Variants in EXTL2 observed in about 807,000 individuals in gnomAD.
EXTL2 encodes the protein exostosin-like 2.
Under a neutral mutation model 30.7 loss-of-function variants are expected in EXTL2, and 23 were observed. The ratio of observed to expected loss-of-function variants is 0.75; its 90% CI spans 0.54 to 1.06. The LOEUF is 1.06. Ranked by LOEUF, EXTL2 falls within the 50% of genes least tolerant of loss-of-function variation. EXTL2 has a pLI of 0.00. For missense variants in EXTL2, 352 were observed against 396.3 expected, an observed-to-expected ratio of 0.89 and a Z score of 0.95; for synonymous variants, 123 against 133.8, an observed-to-expected ratio of 0.92 and a Z score of 0.56.
At chr1:100,889,516 C>G (rs932537390) in intron 1 of EXTL2, among the ~76,000 whole-genome samples, 15 of 152,186 alleles carry the variant, frequency 9.9e-5, no homozygotes, top group African/African-American at 3.6e-4. Context: ...AGCATTAACC[C>G]AAAAGCCCAA....
rs1467839315 is a variant in EXTL2 at position 100,877,711 on chromosome 1, A to G, written c.198T>C (p.Phe66=). 1.9e-6 allele frequency: 3 copies of G among 1,613,472 alleles called. No homozygotes were observed. The African/African-American group carries it at 4.0e-5, about 22-fold the overall frequency. Residue 66 remains phenylalanine (F), a synonymous_variant, in exon 3 of 5, where the codon TTT becomes TTC. Coordinates refer to ENST00000370114, the MANE Select transcript of EXTL2 (RefSeq NM_001033025.3). This position sits in a 1 kb window ranked among gnomAD's most constrained non-coding sequence, Gnocchi z 4.1. ...TGTTGTACGTCTGCATTATGAGAGT[A>G]AAGGAGTCCATGGTGGACTTGCCCT... The part of the protein sequence containing the change: ...KSQGKSTMDS[F]TLIMQTYNRT...
intron 1 of EXTL2, among the ~76,000 whole-genome samples, chr1:100,893,531 C>A (rs973719147): frequency 2.0e-5 from 3 of 152,110 alleles, no homozygotes; most frequent in African/African-American, 7.2e-5. Context: ...ATTTATCTGG[C>A]TTTGTATCCC....
chr1:100,889,546 G>A (rs752570112), intron 1 of EXTL2, among the ~76,000 whole-genome samples: 2 of 152,092 alleles, frequency 1.3e-5, no homozygotes, highest in Non-Finnish European at 2.9e-5. Flanking sequence ...CTCTTCCAAG[G>A]CAAGGCAAGT....
rs1447259379 is a variant in EXTL2 at position 100,877,773 on chromosome 1, CTTCT to C, written c.132_135del (p.Glu45ThrfsTer10). 4.3e-6 allele frequency: 7 copies of C among 1,612,478 alleles called. No individual in the cohort carries two copies. The highest frequency in any genetic ancestry group is 5.9e-6 in the Non-Finnish European group (7 of 1,179,658). ...TCCCTACGCAACATGAGCATCTTGTCTTCTTTAACACTGGGAAGTAAGGCAGTCA... is the reference window on the plus strand; with the variant it reads ...TCCCTACGCAACATGAGCATCTTGTCTTAACACTGGGAAGTAAGGCAGTCA... On this transcript the variant is annotated frameshift_variant, in exon 3 of 5. Coordinates refer to ENST00000370114, the MANE Select transcript of EXTL2 (RefSeq NM_001033025.3). LOFTEE classifies it high-confidence loss of function. The surrounding 1 kb of genome is among the most constrained non-coding windows in gnomAD (Gnocchi z 4.1).
At chr1:100,876,270 T>A (rs192473165) in intron 4 of EXTL2, among the ~76,000 whole-genome samples, 1 of 152,182 alleles carries the variant, frequency 6.6e-6, no homozygotes, top group African/African-American at 2.4e-5. Flanking sequence ...TGCCTGCTTA[T>A]TCAAGCTATG....
chr1:100,891,584 C>G (rs539268033), intron 1 of EXTL2, among the ~76,000 whole-genome samples: 2 of 152,272 alleles, frequency 1.3e-5, no homozygotes, highest in East Asian at 3.9e-4. Flanking sequence ...TATGCTGACT[C>G]AGCTCCAGGG....
chr1:100,874,696 C>A (rs1372999060), intron 4 of EXTL2, among the ~76,000 whole-genome samples: 1 of 152,046 alleles, frequency 6.6e-6, no homozygotes, highest in Non-Finnish European at 1.5e-5. Context: ...CAAACATTAT[C>A]TGACATTAAC....
chr1:100,892,415 G>C (rs541973749), intron 1 of EXTL2, among the ~76,000 whole-genome samples: 1 of 152,272 alleles, frequency 6.6e-6, no homozygotes, highest in East Asian at 1.9e-4. Flanking sequence ...CCAGTGGTTT[G>C]TCAGGGGCTC....
intron 2 of EXTL2, among the ~76,000 whole-genome samples, chr1:100,882,681 C>T (rs1230763816): frequency 4.6e-5 from 7 of 152,120 alleles, no homozygotes; most frequent in Non-Finnish European, 7.4e-5. Context: ...AATCAGCCAT[C>T]TGTAGTGGTG....
At chr1:100,875,447 G>A (rs1180627420) in intron 4 of EXTL2, among the ~76,000 whole-genome samples, 4 of 152,006 alleles carry the variant, frequency 2.6e-5, no homozygotes, top group Non-Finnish European at 4.4e-5. Context: ...GGGAAGGTCA[G>A]GGGATGGGGG....
At chr1:100,874,834 G>A (rs576688708) in intron 4 of EXTL2, among the ~76,000 whole-genome samples, 61 of 152,088 alleles carry the variant, frequency 4.0e-4, no homozygotes, top group African/African-American at 1.4e-3. Flanking sequence ...TAATCTCTTA[G>A]GAGTATATAA....
At chr1:100,885,710 G>A (rs987833211) in intron 2 of EXTL2, 1 of 152,206 alleles carries the variant, frequency 6.6e-6, no homozygotes, top group Admixed American at 6.5e-5. Flanking sequence ...TACAAGATTC[G>A]GGGAAGAGTT....
At chr1:100,894,281 T>C (rs962377596) in intron 1 of EXTL2, among the ~76,000 whole-genome samples, 2 of 152,096 alleles carry the variant, frequency 1.3e-5, no homozygotes, top group Non-Finnish European at 2.9e-5. Context: ...AGCAGTGCAG[T>C]AGAGTAAAAT....
intron 2 of EXTL2, among the ~76,000 whole-genome samples, chr1:100,881,642 T>A (rs1448047657): frequency 1.3e-5 from 2 of 152,192 alleles, no homozygotes; most frequent in African/African-American, 4.8e-5. Flanking sequence ...TCCCCATGAC[T>A]GCAGTAAATA....
intron 1 of EXTL2, among the ~76,000 whole-genome samples, chr1:100,891,931 T>C (rs949504832): frequency 6.6e-6 from 1 of 152,198 alleles, no homozygotes; most frequent in African/African-American, 2.4e-5. Context: ...GTTTAGAGGT[T>C]AGAAGCAAGA....
At chr1:100,891,523 G>C (rs1570478320) in intron 1 of EXTL2, among the ~76,000 whole-genome samples, 1 of 152,172 alleles carries the variant, frequency 6.6e-6, no homozygotes, top group African/African-American at 2.4e-5. Context: ...AGTTGGGAGT[G>C]CTGATTGGTT....
intron 2 of EXTL2, among the ~76,000 whole-genome samples, chr1:100,884,670 T>G (rs569661632): frequency 6.6e-6 from 1 of 152,202 alleles, no homozygotes; most frequent in Non-Finnish European, 1.5e-5. Flanking sequence ...CCCTTCTATC[T>G]GACAAACTCT....
At chr1:100,875,798 C>T (rs1649066453) in intron 4 of EXTL2, among the ~76,000 whole-genome samples, 1 of 152,056 alleles carries the variant, frequency 6.6e-6, no homozygotes, top group Admixed American at 6.6e-5. Flanking sequence ...CCATATTCTG[C>T]CTCCATTTTT....
intron 2 of EXTL2, among the ~76,000 whole-genome samples, chr1:100,884,715 C>T (rs1649829657): frequency 6.6e-6 from 1 of 152,162 alleles, no homozygotes; most frequent in East Asian, 1.9e-4. Flanking sequence ...TCAAATATCA[C>T]ATCTCCTATA....
Sources: gnomAD v4.1 joint callset for allele counts (sites outside exome capture counted in the v4.1 genomes callset) on GRCh38, gnomAD v4.1.1 for gene constraint, Gnocchi (gnomAD v3.1) non-coding constraint, MANE v1.5 for transcripts, NCBI Gene and HGNC (gene_info 2026-07-23, HGNC 2026-07-21) for gene names.